SNX16: variants seen among roughly 807,000 people sequenced by gnomAD.
SNX16 encodes sorting nexin-16.
Under a neutral mutation model 36.7 loss-of-function variants are expected in SNX16, and 35 were observed. That is an observed-to-expected ratio of 0.95 (90% CI 0.73 to 1.27). The LOEUF (loss-of-function observed/expected upper bound fraction) is 1.27, where lower values mean the gene tolerates loss of function less well. Among genes scored for constraint, SNX16 ranks in the 50% most tolerant of loss-of-function variants. The pLI is 0.00. For missense variants in SNX16, 367 were observed against 393.6 expected (o/e 0.93, Z 0.57); for synonymous variants, 134 against 132.0 (o/e 1.02, Z -0.10).
Position 81,807,941 on chromosome 8 carries a change from T to G in SNX16, c.682-4713A>C, listed in dbSNP as rs1276231695. 5 of 781,452 alleles carry G rather than the reference T, an allele frequency of 6.4e-6. No individual in the cohort carries two copies. The African/African-American group carries it at 8.4e-5, about 13-fold the overall frequency. 48.4% of individuals were successfully genotyped at this position (781,452 alleles called of 1,614,324 possible). ...CCAAACACCAGGTGCTCCAGGGGCT[T>G]TGGGTTTGTCACATATGCCACTGTG... On this transcript the variant is annotated intron_variant, in intron 5 of 7. Transcript: ENST00000345957.
At chr8:81,811,186 A>C (rs1313719305) in intron 5 of SNX16, among the ~76,000 whole-genome samples, 1 of 152,214 alleles carries the variant, frequency 6.6e-6, no homozygotes, top group Non-Finnish European at 1.5e-5. Flanking sequence ...AACAGATTCT[A>C]AATCAAAGAG....
intron 2 of SNX16, among the ~76,000 whole-genome samples, chr8:81,834,399 C>T (rs1251939355): frequency 1.3e-5 from 2 of 151,996 alleles, no homozygotes; most frequent in Non-Finnish European, 2.9e-5. Context: ...ATCTCATGTC[C>T]TCACATTTCA....
At chr8:81,828,707 T>C (rs560987825) in intron 3 of SNX16, among the ~76,000 whole-genome samples, 13 of 152,328 alleles carry the variant, frequency 8.5e-5, no homozygotes, top group African/African-American at 3.1e-4. Context: ...TACCACCTGA[T>C]CCCTTTAGAC....
intron 1 of SNX16, 81 bp downstream of exon 1, chr8:81,842,040 CA>C (rs1431345149): frequency 2.0e-5 from 3 of 152,088 alleles, no homozygotes; most frequent in Non-Finnish European, 4.4e-5. Context: ...TGCCGCCCGC[CA>C]GACATCAAGG....
chr8:81,836,437 T>C (rs977987387), intron 2 of SNX16, among the ~76,000 whole-genome samples: 1 of 152,218 alleles, frequency 6.6e-6, no homozygotes, highest in African/African-American at 2.4e-5. Context: ...TCCATTTCAA[T>C]GTTGAACAGA....
At chr8:81,810,675 C>T (rs948890767) in intron 5 of SNX16, among the ~76,000 whole-genome samples, 2 of 152,104 alleles carry the variant, frequency 1.3e-5, no homozygotes, top group Non-Finnish European at 2.9e-5. Flanking sequence ...TTATTTAAAT[C>T]AGTGGTTCTA....
intron 2 of SNX16, among the ~76,000 whole-genome samples, chr8:81,831,693 CAAAAAAA>C (rs754113806): frequency 3.7e-5 from 3 of 80,974 alleles, no homozygotes; most frequent in Non-Finnish European, 4.9e-5. Context: ...GAGACTCCGT[CAAAAAAA>C]AAAAAAAAAA....
intron 5 of SNX16, among the ~76,000 whole-genome samples, chr8:81,812,974 C>G (rs1810329179): frequency 6.6e-6 from 1 of 151,738 alleles, no homozygotes; most frequent in African/African-American, 2.4e-5. Context: ...GTAAAAAATT[C>G]TACAGAAGAA....
intron 1 of SNX16, among the ~76,000 whole-genome samples, chr8:81,841,539 T>C (rs1028129022): frequency 1.3e-5 from 2 of 151,702 alleles, no homozygotes; most frequent in African/African-American, 4.8e-5. Context: ...CTCTACTACC[T>C]GAGGCCGCCT....
At chr8:81,809,357 G>C (rs1810118176) in intron 5 of SNX16, among the ~76,000 whole-genome samples, 2 of 152,018 alleles carry the variant, frequency 1.3e-5, no homozygotes, top group Admixed American at 6.5e-5. Flanking sequence ...ATTGAGTAAT[G>C]GTACCAGATA....
chr8:81,830,400 C>T (rs576432847), intron 2 of SNX16, among the ~76,000 whole-genome samples: 1 of 151,872 alleles, frequency 6.6e-6, no homozygotes, highest in African/African-American at 2.4e-5. Flanking sequence ...GCAACCCCAT[C>T]TCTACTAAAA....
intron 2 of SNX16, among the ~76,000 whole-genome samples, chr8:81,835,493 G>A (rs1811455201): frequency 6.6e-6 from 1 of 152,120 alleles, no homozygotes; most frequent in Non-Finnish European, 1.5e-5. Flanking sequence ...AAACTTTTAT[G>A]CTGTGCTTCC....
chr8:81,802,230 G>T, intron 7 of SNX16, 150 bp downstream of exon 7: 1 of 499,838 alleles, frequency 2.0e-6, no homozygotes, highest in Non-Finnish European at 3.2e-6. Context: ...TTTAGGAAAA[G>T]CCTAAAATAT....
At chr8:81,834,149 T>G (rs1811392094) in intron 2 of SNX16, among the ~76,000 whole-genome samples, 1 of 152,150 alleles carries the variant, frequency 6.6e-6, no homozygotes, top group African/African-American at 2.4e-5. Context: ...TGGTGGAAAG[T>G]GAAGGCACAT....
intron 7 of SNX16, among the ~76,000 whole-genome samples, chr8:81,802,090 A>T (rs1340665412): frequency 1.3e-5 from 2 of 150,968 alleles, no homozygotes; most frequent in Admixed American, 6.6e-5. Flanking sequence ...GTCAATATTT[A>T]AAAAATTAGT....
intron 5 of SNX16, among the ~76,000 whole-genome samples, chr8:81,811,963 CAAT>C (rs1489749839): frequency 6.6e-6 from 1 of 151,714 alleles, no homozygotes; most frequent in African/African-American, 2.4e-5. Context: ...AGAAAAATCT[CAAT>C]AAAGAGAAAG....
intron 2 of SNX16, among the ~76,000 whole-genome samples, chr8:81,834,982 G>A (rs1342879109): frequency 1.3e-5 from 2 of 152,202 alleles, no homozygotes. Flanking sequence ...CACAGCCCTA[G>A]CAGCAGTTTT....
chr8:81,827,659 CA>C (rs1811076793), intron 3 of SNX16, among the ~76,000 whole-genome samples: 1 of 152,190 alleles, frequency 6.6e-6, no homozygotes, highest in Admixed American at 6.5e-5. Context: ...TTTAGCATTC[CA>C]TATTTTACCT....
intron 4 of SNX16, 44 bp from the exon 5 acceptor site, chr8:81,815,438 T>G: frequency 1.9e-6 from 3 of 1,575,352 alleles, no homozygotes; most frequent in Non-Finnish European, 2.6e-6. Flanking sequence ...CAAATAAGTT[T>G]GCAAAAGATA....
Sources: gnomAD v4.1 joint callset for allele counts (sites outside exome capture counted in the v4.1 genomes callset) on GRCh38, gnomAD v4.1.1 for gene constraint, MANE v1.5 for transcripts, NCBI Gene and HGNC (gene_info 2026-07-23, HGNC 2026-07-21) for gene names.